Variants in MBD2 observed in about 807,000 individuals in gnomAD.
The protein encoded by MBD2 is methyl-CpG binding domain protein 2, also known as methyl-CpG-binding domain protein 2.
Under a neutral mutation model 39.3 loss-of-function variants are expected in MBD2, and 9 were observed. The ratio of observed to expected loss-of-function variants is 0.23; its 90% CI spans 0.14 to 0.40. The LOEUF is 0.40. Ranked by LOEUF, MBD2 falls within the 10% of genes least tolerant of loss-of-function variation. The probability of loss-of-function intolerance (pLI) is 1.00; values close to 1 mark genes in which losing one functional copy is unlikely to be tolerated. For synonymous variants in MBD2, 233 were observed against 211.1 expected (o/e 1.10, Z -0.90); for missense variants, 458 against 532.6 (o/e 0.86, Z 1.38).
At chr18:54,165,981 C>G in intron 4 of MBD2, 95 bp downstream of exon 4, 2 of 818,340 alleles carry the variant, frequency 2.4e-6, no homozygotes, top group Non-Finnish European at 4.0e-6. Flanking sequence ...GCAAAGGCCT[C>G]CTGTCAGTCA....
At chr18:54,202,798 A>C in intron 2 of MBD2, 1 of 1,546,030 alleles carries the variant, frequency 6.5e-7, no homozygotes, top group Non-Finnish European at 8.7e-7. Context: ...CCGTGTGCAA[A>C]AGCAAAAAAA....
intron 1 of MBD2, among the ~76,000 whole-genome samples, chr18:54,212,121 T>C (rs1277458333): frequency 6.6e-6 from 1 of 152,144 alleles, no homozygotes; most frequent in Non-Finnish European, 1.5e-5. Flanking sequence ...CTAGTGACCT[T>C]TGCTCCAGCC....
chr18:54,179,649 AG>A (rs2086235815), intron 3 of MBD2, among the ~76,000 whole-genome samples: 1 of 152,176 alleles, frequency 6.6e-6, no homozygotes, highest in Non-Finnish European at 1.5e-5. Flanking sequence ...TCACTTAACT[AG>A]GTAGAGGAAA....
At position 54,162,244 on chromosome 18, in the gene MBD2, G is replaced by A. The variant is rs555872928; in HGVS notation, c.1109+2279C>T. 2.0e-5 allele frequency among the ~76,000 whole-genome samples: 3 copies of A among 152,292 alleles called. No individual in the cohort carries two copies. In the East Asian group the frequency reaches 5.8e-4, roughly 29 times the overall value. On this transcript the variant is annotated intron_variant, in intron 5 of 6. Coordinates refer to ENST00000256429, the MANE Select transcript of MBD2 (RefSeq NM_003927.5). ...TATTGTTTTAAGCTGCAAAGTTTGT[G>A]AGAATTTGTTACAAAGTATTAAAAA...
chr18:54,203,721 T>C (rs1568090270), intron 2 of MBD2, among the ~76,000 whole-genome samples: 1 of 151,898 alleles, frequency 6.6e-6, no homozygotes, highest in African/African-American at 2.4e-5. Flanking sequence ...CCTCAGAAAA[T>C]GTAACATGAC....
chr18:54,160,141 G>C, intron 5 of MBD2: 1 of 434,260 alleles, frequency 2.3e-6, no homozygotes, highest in South Asian at 3.7e-5. Context: ...ATTCTAGAAA[G>C]AGCAGATTGA....
chr18:54,167,947 T>C (rs555244603), intron 3 of MBD2, among the ~76,000 whole-genome samples: 1 of 122,892 alleles, frequency 8.1e-6, no homozygotes, highest in Non-Finnish European at 1.7e-5. Context: ...ATCACAGCTA[T>C]AGAAAAAAAA....
chr18:54,205,983 C>A (rs1017249996), intron 1 of MBD2, among the ~76,000 whole-genome samples: 2 of 150,296 alleles, frequency 1.3e-5, no homozygotes, highest in South Asian at 2.1e-4. Flanking sequence ...CACACACACA[C>A]AAATATGTGG....
chr18:54,224,005 C>T lies in MBD2; in HGVS notation c.542+13G>A. ...CTGACCCCGCCACCCCCTCCCCGCC[C>T]CCAGGGAGGTACCTGAAGTAGTAGA... On this transcript the variant is annotated intron_variant, in intron 1 of 6. Transcript: ENST00000256429. 3.1e-6 allele frequency: 5 copies of T among 1,597,310 alleles called. No individual in the cohort carries two copies. Among genetic ancestry groups the T allele is most frequent in the Non-Finnish European group, 4.3e-6 (5 of 1,171,476 alleles).
At chr18:54,203,018 A>G (rs1289702688) in intron 2 of MBD2, 1 of 1,177,928 alleles carries the variant, frequency 8.5e-7, no homozygotes, top group Non-Finnish European at 1.3e-6. Context: ...GGGTAAGCAC[A>G]TTCCAAGCAG....
intron 3 of MBD2, among the ~76,000 whole-genome samples, chr18:54,188,607 A>G (rs968976389): frequency 2.0e-5 from 3 of 152,222 alleles, no homozygotes; most frequent in Admixed American, 6.5e-5. Context: ...AGATTAGCAG[A>G]ACCAAGTCTG....
chr18:54,223,930 C>T, intron 1 of MBD2, 88 bp downstream of exon 1: 1 of 1,155,882 alleles, frequency 8.7e-7, no homozygotes, highest in Non-Finnish European at 1.2e-6. Flanking sequence ...GCCCCCCGGG[C>T]CCCAGCGCTC....
intron 1 of MBD2, among the ~76,000 whole-genome samples, chr18:54,216,045 G>C (rs1256355511): frequency 2.0e-5 from 3 of 152,058 alleles, no homozygotes; most frequent in African/African-American, 7.2e-5. Context: ...GACCTCAGGT[G>C]ATCCACCCAC....
chr18:54,153,705 C>A lies in MBD2; in HGVS notation c.*1619G>T, dbSNP rs2086035290. 1 of 152,148 alleles carries A rather than the reference C, an allele frequency of 6.6e-6. No individual in the cohort carries two copies. The highest frequency in any genetic ancestry group is 1.5e-5 in the Non-Finnish European group (1 of 68,050). The allele number at this position is 152,148 out of a possible 1,614,324, so 9.4% of individuals were successfully genotyped here. A position where few individuals can be genotyped will look rare whatever the true frequency, so the allele number is the denominator to read the frequency against. On this transcript the variant is annotated 3_prime_UTR_variant, in exon 7 of 7. Transcript: ENST00000256429. ...AAAAGAAATCACTATGATCCTCACC[C>A]CCACCCCAGTTGGGACAGTCTGATG...
chr18:54,171,046 A>G (rs2086175939), intron 3 of MBD2, among the ~76,000 whole-genome samples: 1 of 151,822 alleles, frequency 6.6e-6, no homozygotes. Context: ...TTTTTTACAA[A>G]TACTTAAGGT....
chr18:54,223,922 C>A, intron 1 of MBD2, 96 bp downstream of exon 1: 3 of 1,056,976 alleles, frequency 2.8e-6, no homozygotes, highest in South Asian at 1.6e-5. Flanking sequence ...TGCCACATGC[C>A]CCCCGGGCCC....
intron 2 of MBD2, 56 bp downstream of exon 2, chr18:54,204,942 T>C (rs749458004): frequency 7.2e-6 from 11 of 1,538,396 alleles, no homozygotes; most frequent in Middle Eastern, 1.7e-4. Context: ...TGATGTGAGA[T>C]ACTTTTTGAA....
intron 4 of MBD2, 100 bp downstream of exon 4, chr18:54,165,976 G>A: frequency 1.3e-6 from 1 of 772,442 alleles, no homozygotes; most frequent in Non-Finnish European, 2.2e-6. Context: ...CCAAAGCAAA[G>A]GCCTCCTGTC....
At chr18:54,157,412 C>A (rs1270513623) in intron 6 of MBD2, among the ~76,000 whole-genome samples, 2 of 152,102 alleles carry the variant, frequency 1.3e-5, no homozygotes, top group East Asian at 1.9e-4. Flanking sequence ...AGGTGCCCGC[C>A]ACCATGCCCA....
Sources: allele counts gnomAD v4.1 joint callset (sites outside exome capture counted in the v4.1 genomes callset), GRCh38; gene constraint gnomAD v4.1.1; transcripts MANE v1.5; gene names NCBI Gene and HGNC (gene_info 2026-07-23, HGNC 2026-07-21).